The following CFAP299 variants were observed in gnomAD, a reference collection of about 807,000 sequenced individuals.
The protein encoded by CFAP299 is cilia and flagella associated protein 299.
In CFAP299, 21 loss-of-function variants were observed where a neutral mutation model predicts 27.0. The observed-to-expected ratio is 0.78, with a 90% CI of 0.55 to 1.12. The LOEUF (loss-of-function observed/expected upper bound fraction) is 1.12. Among genes scored for constraint, CFAP299 ranks in the 50% most tolerant of loss-of-function variants. The pLI, the probability that CFAP299 is intolerant of heterozygous loss-of-function variation, is 0.00. For synonymous variants in CFAP299, 104 were observed against 98.1 expected (o/e 1.06, Z -0.36); for missense variants, 310 against 276.6 (o/e 1.12, Z -0.86).
At chr4:80,878,643 A>G (rs1312220950) in intron 4 of CFAP299, among the ~76,000 whole-genome samples, 1 of 152,060 alleles carries the variant, frequency 6.6e-6, no homozygotes, top group Admixed American at 6.5e-5. Context: ...TAAAATTTAC[A>G]TTTTACAAGA....
chr4:80,826,520 T>C (rs1388103189), intron 3 of CFAP299, among the ~76,000 whole-genome samples: 1 of 151,812 alleles, frequency 6.6e-6, no homozygotes, highest in African/African-American at 2.4e-5. Context: ...TATATAATAG[T>C]TATAAATATT....
chr4:80,458,591 T>TAAAAAAA (rs1424841734), intron 2 of CFAP299, among the ~76,000 whole-genome samples: 1 of 152,208 alleles, frequency 6.6e-6, no homozygotes, highest in Non-Finnish European at 1.5e-5. Flanking sequence ...TTCTTTTAAA[T>TAAAAAAA]ATAGCCAATT....
intron 3 of CFAP299, among the ~76,000 whole-genome samples, chr4:80,863,830 C>A (rs1391366492): frequency 6.6e-6 from 1 of 151,962 alleles, no homozygotes; most frequent in Non-Finnish European, 1.5e-5. Flanking sequence ...ATAGCATCAT[C>A]ATTTTTAAAA....
the CFAP299 span, among the ~76,000 whole-genome samples, chr4:80,322,883 T>TG: frequency 6.6e-6 from 1 of 152,172 alleles, no homozygotes; most frequent in African/African-American, 2.4e-5. Flanking sequence ...AGGGCACCTT[T>TG]GGCAGACAGA....
intron 2 of CFAP299, among the ~76,000 whole-genome samples, chr4:80,544,559 G>T (rs1200428648): frequency 6.6e-6 from 1 of 152,146 alleles, no homozygotes; most frequent in Admixed American, 6.6e-5. Context: ...AAAGAACAGA[G>T]ATTGCTATTC....
chr4:80,949,547 A>AAC (rs1553909071), intron 5 of CFAP299, among the ~76,000 whole-genome samples: 2,468 of 31,012 alleles, frequency 0.08, 69 homozygotes, highest in African/African-American at 0.17. Flanking sequence ...CAACAACAAC[A>AAC]AAAAAAAAAA....
intron 4 of CFAP299, among the ~76,000 whole-genome samples, chr4:80,904,599 A>G (rs966916565): frequency 6.6e-6 from 1 of 151,884 alleles, no homozygotes; most frequent in African/African-American, 2.4e-5. Context: ...GGAGGGACTG[A>G]TATTAGAGTT....
chr4:80,636,072 T>G (rs1739454332), intron 3 of CFAP299, among the ~76,000 whole-genome samples: 1 of 152,140 alleles, frequency 6.6e-6, no homozygotes, highest in South Asian at 2.1e-4. Flanking sequence ...AAATAGCAAA[T>G]CTTTTTAGTA....
chr4:80,362,671 A>C (rs1723610736), intron 1 of CFAP299, 83 bp from the exon 2 acceptor site: 1 of 1,400,152 alleles, frequency 7.1e-7, no homozygotes, highest in African/African-American at 1.4e-5. Flanking sequence ...CTTGGTATAC[A>C]TTGCAGATGT....
intron 3 of CFAP299, among the ~76,000 whole-genome samples, chr4:80,851,864 C>G (rs1352375448): frequency 6.6e-6 from 1 of 151,834 alleles, no homozygotes; most frequent in Non-Finnish European, 1.5e-5. Context: ...CAGTGTGGAA[C>G]TACAGTTGAA....
chr4:80,593,997 T>A lies in CFAP299; in HGVS notation c.333+10814T>A, dbSNP rs77504073. On this transcript the variant is annotated intron_variant, in intron 3 of 5. Coordinates refer to ENST00000358105, the MANE Select transcript of CFAP299 (RefSeq NM_152770.3). ...GCCAAATATTTGGGATTTTCTAGCTTCTTAAATTTTTCTAGCTTTTCTGAG... is the reference window on the plus strand; with the variant it reads ...GCCAAATATTTGGGATTTTCTAGCTACTTAAATTTTTCTAGCTTTTCTGAG... 3.2e-4 allele frequency among the ~76,000 whole-genome samples: 48 copies of A among 152,308 alleles called. No homozygotes were observed. The East Asian group carries it at 8.7e-3, about 28-fold the overall frequency.
chr4:80,940,064 C>T (rs964560571), intron 4 of CFAP299, among the ~76,000 whole-genome samples: 3 of 152,142 alleles, frequency 2.0e-5, no homozygotes, highest in East Asian at 3.9e-4. Context: ...TTGCTCGCAC[C>T]ATCTCAGCAG....
chr4:80,452,093 A>G (rs866347120), intron 2 of CFAP299, among the ~76,000 whole-genome samples: 1 of 152,202 alleles, frequency 6.6e-6, no homozygotes, highest in Admixed American at 6.5e-5. Context: ...CCAAAGAGAC[A>G]TTATCCTGGT....
At chr4:80,882,650 T>C (rs1442326260) in intron 4 of CFAP299, among the ~76,000 whole-genome samples, 1 of 141,428 alleles carries the variant, frequency 7.1e-6, no homozygotes, top group African/African-American at 2.8e-5. Flanking sequence ...AAAAAAAAAA[T>C]TGAAAAAAAA....
intron 3 of CFAP299, among the ~76,000 whole-genome samples, chr4:80,690,620 C>A (rs1720602631): frequency 6.6e-6 from 1 of 152,064 alleles, no homozygotes; most frequent in South Asian, 2.1e-4. Context: ...ACCCTAACAT[C>A]ACAATTAAAA....
chr4:80,957,062 C>T (rs1738107193), intron 5 of CFAP299, among the ~76,000 whole-genome samples: 1 of 152,036 alleles, frequency 6.6e-6, no homozygotes, highest in Non-Finnish European at 1.5e-5. Context: ...ATTTGTTTAT[C>T]GTTCTTTTCA....
At chr4:80,644,726 G>GA (rs1423572297) in intron 3 of CFAP299, among the ~76,000 whole-genome samples, 1 of 152,076 alleles carries the variant, frequency 6.6e-6, no homozygotes, top group Non-Finnish European at 1.5e-5. Flanking sequence ...ATACTCTTTA[G>GA]AAGAATTTTA....
At chr4:80,762,715 T>C (rs549310768) in intron 3 of CFAP299, among the ~76,000 whole-genome samples, 125 of 152,280 alleles carry the variant, frequency 8.2e-4, no homozygotes, top group African/African-American at 2.8e-3. Flanking sequence ...GAACAATCTT[T>C]TGCTGTCAGC....
intron 4 of CFAP299, among the ~76,000 whole-genome samples, chr4:80,901,388 A>G (rs1481419761): frequency 6.6e-6 from 1 of 152,126 alleles, no homozygotes. Flanking sequence ...ATCATCCAAG[A>G]AGCAGTGTAG....
Sources: allele counts gnomAD v4.1 joint callset (sites outside exome capture counted in the v4.1 genomes callset), GRCh38; gene constraint gnomAD v4.1.1; transcripts MANE v1.5; gene names NCBI Gene and HGNC (gene_info 2026-07-23, HGNC 2026-07-21).